PPFIBP2: variants seen among roughly 807,000 people sequenced by gnomAD.
The protein encoded by PPFIBP2 is PPFIB scaffold protein 2.
In PPFIBP2, 118 loss-of-function variants were observed where a neutral mutation model predicts 118.3. That is an observed-to-expected ratio of 1.00 (90% CI 0.86 to 1.16). The LOEUF is 1.16. Ranked by LOEUF, PPFIBP2 falls within the 50% of genes most tolerant of loss-of-function variation. PPFIBP2 has a pLI of 0.00. For synonymous variants in PPFIBP2, 414 were observed against 397.4 expected (o/e 1.04, Z -0.50); for missense variants, 1,195 against 1,073.1 (o/e 1.11, Z -1.59).
In PPFIBP2 at chr11:7,651,786, A is replaced by G. The variant is rs1312893705; in HGVS notation, c.2378A>G (p.Lys793Arg). The G allele has an allele frequency of 7.4e-6, 12 of 1,613,800 alleles. No individual in the cohort carries two copies. Among genetic ancestry groups the G allele is most frequent in the Non-Finnish European group, 1.0e-5 (12 of 1,179,820 alleles). The change falls in exon 23 of 24, where the codon AAG (lysine) becomes AGG (arginine). Residue 793 changes from lysine (K) to arginine (R), a missense_variant. By Grantham distance (26) the Lys-to-Arg change is conservative. Coordinates refer to ENST00000299492, the MANE Select transcript of PPFIBP2 (RefSeq NM_003621.5). The part of the protein sequence containing the change: ...ALIGPEAEQE[K>R]REKMASPAYT... ...ATTGGTCCGGAGGCTGAACAGGAGAAGCGAGAGAAAATGGCCTCACCAGCT... is the reference window on the plus strand; with the variant it reads ...ATTGGTCCGGAGGCTGAACAGGAGAGGCGAGAGAAAATGGCCTCACCAGCT...
chr11:7,575,962 T>A (rs1450426194), intron 3 of PPFIBP2, among the ~76,000 whole-genome samples: 1 of 152,138 alleles, frequency 6.6e-6, no homozygotes, highest in Non-Finnish European at 1.5e-5. Flanking sequence ...CTCCTCCCCT[T>A]ATGCCAGCTG....
chr11:7,648,846 C>T lies in PPFIBP2; in HGVS notation c.1844C>T (p.Ala615Val), dbSNP rs1346159547. ...CTCCACAGGAAGAAGCTTGTTTTAG[C>T]AGTGAAAGCCATCAACACCAAACAG... ...HPLHRKKLVL[A>V]VKAINTKQEE... Residue 615 changes from alanine to valine, a missense_variant, in exon 19 of 24, where the codon GCA becomes GTA. Coordinates refer to ENST00000299492, the MANE Select transcript of PPFIBP2 (RefSeq NM_003621.5). The T allele has an allele frequency of 2.5e-6, 4 of 1,614,012 alleles. No homozygotes were observed. In the Admixed American group the frequency reaches 5.0e-5, roughly 20 times the overall value.
chr11:7,657,533 A>C (rs1854779706), downstream of PPFIBP2, among the ~76,000 whole-genome samples: 1 of 152,128 alleles, frequency 6.6e-6, no homozygotes, highest in Non-Finnish European at 1.5e-5. Context: ...TGTCTGATTA[A>C]ATAGCTCCCC....
At chr11:7,654,252 CTGACTGATAA>C (rs201263404), downstream of PPFIBP2, among the ~76,000 whole-genome samples, 980 of 152,338 alleles carry the variant, frequency 6.4e-3, 10 homozygotes, top group African/African-American at 0.023. Flanking sequence ...TAGAGGCTGA[CTGACTGATAA>C]TGACTGATAA....
intron 21 of PPFIBP2, 84 bp from the exon 22 acceptor site, chr11:7,650,756 G>A (rs1317411477): frequency 6.7e-7 from 1 of 1,484,388 alleles, no homozygotes; most frequent in African/African-American, 1.4e-5. Flanking sequence ...CTGGGGCAGG[G>A]TTACTTACCG....
intron 1 of PPFIBP2, among the ~76,000 whole-genome samples, chr11:7,546,451 G>A (rs998525991): frequency 6.6e-6 from 1 of 152,176 alleles, no homozygotes; most frequent in Admixed American, 6.5e-5. Flanking sequence ...CTGGGCAGAG[G>A]GCCCATGGGT....
rs144929937 is a variant in PPFIBP2, at chr11:7,610,653, C to T, written c.618+231C>T. The T allele has an allele frequency of 8.9e-4, 389 of 438,942 alleles. 5 individuals are homozygous for T. Among genetic ancestry groups the T allele is most frequent in the African/African-American group, 7.1e-3 (363 of 51,370 alleles). 27.2% of individuals were successfully genotyped at this position (438,942 alleles called of 1,614,324 possible). On this transcript the variant is annotated intron_variant, in intron 6 of 23. Coordinates refer to ENST00000299492, the MANE Select transcript of PPFIBP2 (RefSeq NM_003621.5). ...CTCTAAGGCTTTATCTGCCCTCAAA[C>T]TGCTGACAAGGATGGAAAGAGAAGC...
At chr11:7,557,733 T>A (rs1853802036) in intron 2 of PPFIBP2, among the ~76,000 whole-genome samples, 1 of 152,180 alleles carries the variant, frequency 6.6e-6, no homozygotes, top group Non-Finnish European at 1.5e-5. Flanking sequence ...TTTTGAATAA[T>A]CCTAGCATTC....
chr11:7,665,861 G>C, the PPFIBP2 span: 1 of 1,536,104 alleles, frequency 6.5e-7, no homozygotes, highest in Non-Finnish European at 8.7e-7. Context: ...AGCTGGAGTT[G>C]TCCGGCAGGG....
rs1053553962 is a variant in PPFIBP2 at position 7,634,416 on chromosome 11, G to T, written c.1137-79G>T. ...ACCTAAGCCCAAGACCATCGGTTAA[G>T]CATTTGAAATGTCCTCTGCATGAGT... is the stretch of plus-strand genomic sequence containing the variant. On this transcript the variant is annotated intron_variant, in intron 12 of 23. Coordinates refer to ENST00000299492, the MANE Select transcript of PPFIBP2 (RefSeq NM_003621.5). 3 of 1,127,700 alleles carry T rather than the reference G, an allele frequency of 2.7e-6. No individual in the cohort carries two copies. The Middle Eastern group carries it at 6.0e-4, about 226-fold the overall frequency. 69.9% of individuals were successfully genotyped at this position (1,127,700 alleles called of 1,614,324 possible). A position where few individuals can be genotyped will look rare whatever the true frequency, so the allele number is the denominator to read the frequency against.
intron 17 of PPFIBP2, among the ~76,000 whole-genome samples, chr11:7,647,563 T>C (rs572123091): frequency 6.6e-6 from 1 of 152,320 alleles, no homozygotes; most frequent in Non-Finnish European, 1.5e-5. Flanking sequence ...TTGGTTGCTA[T>C]GAGTGGGATT....
intron 2 of PPFIBP2, among the ~76,000 whole-genome samples, chr11:7,559,789 C>T (rs954473232): frequency 3.3e-5 from 5 of 152,168 alleles, no homozygotes; most frequent in South Asian, 2.1e-4. Flanking sequence ...GCCCCAATCT[C>T]GGTTCCTCCC....
At chr11:7,515,730 C>G (rs944107487) in intron 1 of PPFIBP2, among the ~76,000 whole-genome samples, 1 of 152,316 alleles carries the variant, frequency 6.6e-6, no homozygotes, top group South Asian at 2.1e-4. Flanking sequence ...GTACAGAAGT[C>G]TGGACTTGGT....
At chr11:7,617,373 C>T in intron 6 of PPFIBP2, 1 of 899,938 alleles carries the variant, frequency 1.1e-6, no homozygotes, top group Non-Finnish European at 1.3e-6. Flanking sequence ...TTTCTCCTAA[C>T]CAGAACAGAG....
At position 7,535,875 on chromosome 11, in the gene PPFIBP2, C is replaced by T. The variant is rs1487485802; in HGVS notation, c.-36-13565C>T. ...GACCACAGAGACCTGGTGGCTCACA[C>T]GGGAGGGGAGTAGGGTGGGGAAGCA... On this transcript the variant is annotated intron_variant, in intron 1 of 23. Coordinates refer to ENST00000299492, the MANE Select transcript of PPFIBP2 (RefSeq NM_003621.5). Among the ~76,000 whole-genome samples the T allele has an allele frequency of 3.3e-5, 5 of 152,036 alleles. 1 individual carries two copies. The highest frequency in any genetic ancestry group is 2.9e-5 in the Non-Finnish European group (2 of 67,970).
chr11:7,526,133 A>G (rs962313264), intron 1 of PPFIBP2, among the ~76,000 whole-genome samples: 1 of 152,220 alleles, frequency 6.6e-6, no homozygotes, highest in African/African-American at 2.4e-5. Context: ...GTATTGTTCA[A>G]GCAGTATTGA....
chr11:7,584,207 A>G (rs1218379041), intron 3 of PPFIBP2, among the ~76,000 whole-genome samples: 1 of 152,238 alleles, frequency 6.6e-6, no homozygotes, highest in African/African-American at 2.4e-5. Context: ...GGATTATTCA[A>G]GTCATTTCAT....
downstream of PPFIBP2, chr11:7,655,540 G>C: frequency 7.8e-7 from 1 of 1,275,550 alleles, no homozygotes. Context: ...CTGGTGCCAG[G>C]GAGGCCCAGT....
chr11:7,597,475 T>A, intron 4 of PPFIBP2, 85 bp from the exon 5 acceptor site: 1 of 1,532,192 alleles, frequency 6.5e-7, no homozygotes. Context: ...AGTGGTGAGA[T>A]TTAACGGCTC....
Sources: gnomAD v4.1 joint callset for allele counts (sites outside exome capture counted in the v4.1 genomes callset) on GRCh38, gnomAD v4.1.1 for gene constraint, MANE v1.5 for transcripts, NCBI Gene and HGNC (gene_info 2026-07-23, HGNC 2026-07-21) for gene names.